Variants in SAMD12 observed in about 807,000 individuals in gnomAD.
SAMD12 encodes sterile alpha motif domain-containing protein 12.
In SAMD12, 9 loss-of-function variants were observed where a neutral mutation model predicts 15.0. The observed-to-expected ratio is 0.60, with a 90% CI of 0.36 to 1.05. SAMD12 has a LOEUF of 1.05. SAMD12 is among the 50% of genes least tolerant of loss of function. The probability of loss-of-function intolerance (pLI) is 0.01; values close to 1 mark genes in which losing one functional copy is unlikely to be tolerated. For synonymous variants in SAMD12, 86 were observed against 90.1 expected, an observed-to-expected ratio of 0.96 and a Z score of 0.25; for missense variants, 230 against 234.2, an observed-to-expected ratio of 0.98 and a Z score of 0.12.
intron 4 of SAMD12, among the ~76,000 whole-genome samples, chr8:118,268,963 C>T (rs80237027): frequency 0.011 from 1,672 of 152,156 alleles, 45 homozygotes; most frequent in East Asian, 0.065. Context: ...ATTCAGCCAC[C>T]AACCCGAGTG....
chr8:118,581,058 T>C (rs1052984355), intron 1 of SAMD12, among the ~76,000 whole-genome samples, 165 bp from the exon 2 acceptor site: 2 of 152,140 alleles, frequency 1.3e-5, no homozygotes, highest in South Asian at 2.1e-4. Context: ...GAGCACGGTA[T>C]AGTGGGAAAC....
intron 1 of SAMD12, among the ~76,000 whole-genome samples, chr8:118,600,786 CTTTTT>C (rs371897277): frequency 6.8e-6 from 1 of 147,968 alleles, no homozygotes; most frequent in East Asian, 2.0e-4. Flanking sequence ...GCCATTTGTG[CTTTTT>C]TTTTTAGATC....
intron 2 of SAMD12, among the ~76,000 whole-genome samples, chr8:118,477,121 A>C (rs1356813058): frequency 6.7e-6 from 1 of 149,534 alleles, no homozygotes; most frequent in Non-Finnish European, 1.5e-5. Flanking sequence ...CCTGGAGTGC[A>C]GTGTTGTGAT....
intron 2 of SAMD12, among the ~76,000 whole-genome samples, chr8:118,523,254 C>A (rs960724302): frequency 6.6e-6 from 1 of 151,960 alleles, no homozygotes; most frequent in African/African-American, 2.4e-5. Context: ...CAACCTCTTG[C>A]GGAAATGAAA....
chr8:118,444,859 C>T (rs1325144598), intron 2 of SAMD12, among the ~76,000 whole-genome samples: 1 of 152,124 alleles, frequency 6.6e-6, no homozygotes, highest in African/African-American at 2.4e-5. Context: ...TAAGAGAACA[C>T]TGCAATTGTA....
At chr8:118,228,162 G>T (rs1812225742) in intron 4 of SAMD12, among the ~76,000 whole-genome samples, 1 of 152,180 alleles carries the variant, frequency 6.6e-6, no homozygotes, top group Admixed American at 6.5e-5. Flanking sequence ...TTAAACCTAA[G>T]ACCTGAAGCT....
chr8:118,366,828 A>AAATAAAATAT (rs1286155106), intron 4 of SAMD12, among the ~76,000 whole-genome samples: 6,526 of 89,468 alleles, frequency 0.073, 515 homozygotes, highest in Middle Eastern at 0.094. Flanking sequence ...AAATAAAATA[A>AAATAAAATAT]AATAAAATAA....
chr8:118,164,816 T>C, the SAMD12 span, among the ~76,000 whole-genome samples: 1 of 151,974 alleles, frequency 6.6e-6, no homozygotes, highest in Admixed American at 6.6e-5. Context: ...TCTCTGTATA[T>C]ATATATATAC....
At chr8:118,206,058 T>C (rs1413382037) in intron 4 of SAMD12, among the ~76,000 whole-genome samples, 1 of 152,174 alleles carries the variant, frequency 6.6e-6, no homozygotes, top group Non-Finnish European at 1.5e-5. Context: ...GATTCCGAGG[T>C]TTAAGAACCC....
chr8:118,231,126 G>A (rs533931886), intron 4 of SAMD12, among the ~76,000 whole-genome samples: 2 of 152,286 alleles, frequency 1.3e-5, no homozygotes, highest in East Asian at 1.9e-4. Context: ...TGGGGAATAA[G>A]TGAAATAACA....
At chr8:118,607,844 A>G (rs79594635) in intron 1 of SAMD12, among the ~76,000 whole-genome samples, 58 of 152,262 alleles carry the variant, frequency 3.8e-4, no homozygotes, top group African/African-American at 1.4e-3. Context: ...GTGCTACTAC[A>G]TCTAAATTCC....
intron 4 of SAMD12, among the ~76,000 whole-genome samples, chr8:118,269,220 C>CTCTCTCTGTGTGTGTGTG (rs1299970707): frequency 1.6e-5 from 2 of 123,004 alleles, no homozygotes; most frequent in African/African-American, 6.8e-5. Flanking sequence ...CTCTCTCTCT[C>CTCTCTCTGTGTGTGTGTG]TGTGTGTGTG....
At chr8:118,469,881 T>C (rs1449444338) in intron 2 of SAMD12, among the ~76,000 whole-genome samples, 1 of 152,004 alleles carries the variant, frequency 6.6e-6, no homozygotes, top group Non-Finnish European at 1.5e-5. Context: ...AATTTTTATG[T>C]AGTTATTTCA....
chr8:118,283,050 A>G (rs538812322), intron 4 of SAMD12, among the ~76,000 whole-genome samples: 1 of 152,296 alleles, frequency 6.6e-6, no homozygotes, highest in African/African-American at 2.4e-5. Flanking sequence ...GTATAGTGGC[A>G]TGTGGAATTT....
chr8:118,533,872 C>G (rs1351775135), intron 2 of SAMD12, among the ~76,000 whole-genome samples: 1 of 152,092 alleles, frequency 6.6e-6, no homozygotes, highest in African/African-American at 2.4e-5. Flanking sequence ...ATACAGCACA[C>G]TGATGGGTCT....
At chr8:118,276,095 TAA>T (rs1362108771) in intron 4 of SAMD12, among the ~76,000 whole-genome samples, 3 of 152,210 alleles carry the variant, frequency 2.0e-5, no homozygotes, top group Non-Finnish European at 4.4e-5. Flanking sequence ...TTAATTTTTA[TAA>T]AGTTTCTATG....
intron 4 of SAMD12, among the ~76,000 whole-genome samples, chr8:118,235,231 A>T (rs1161621290): frequency 1.4e-5 from 2 of 147,796 alleles, no homozygotes; most frequent in African/African-American, 2.5e-5. Flanking sequence ...TTTTTTTTTT[A>T]GACGGAGTCT....
At chr8:118,335,362 C>A (rs1319215302) in intron 4 of SAMD12, among the ~76,000 whole-genome samples, 2 of 152,182 alleles carry the variant, frequency 1.3e-5, no homozygotes, top group African/African-American at 4.8e-5. Flanking sequence ...TCACCCAATA[C>A]TGCAAAGTAG....
chr8:118,430,658 A>C (rs12156430), intron 3 of SAMD12, among the ~76,000 whole-genome samples: 85,863 of 152,026 alleles, frequency 0.56, 25,694 homozygotes, highest in Admixed American at 0.66. Context: ...CCACGCTCAG[A>C]CTAATTGCCG....
Sources: gnomAD v4.1 joint callset for allele counts (sites outside exome capture counted in the v4.1 genomes callset) on GRCh38, gnomAD v4.1.1 for gene constraint, MANE v1.5 for transcripts, NCBI Gene and HGNC (gene_info 2026-07-23, HGNC 2026-07-21) for gene names.